The following RFX6 variants were observed in gnomAD, a reference collection of about 807,000 sequenced individuals.
RFX6 encodes the protein DNA-binding protein RFX6.
RFX6 carries 50 observed loss-of-function variants against 110.8 expected under a neutral mutation model. The observed-to-expected ratio is 0.45, with a 90% CI of 0.36 to 0.57. The LOEUF (loss-of-function observed/expected upper bound fraction) is 0.57. Ranked by LOEUF, RFX6 falls within the 20% of genes least tolerant of loss-of-function variation. The probability of loss-of-function intolerance (pLI) is 0.00; values close to 1 mark genes in which losing one functional copy is unlikely to be tolerated. For missense variants in RFX6, 990 were observed against 1,127.0 expected (o/e 0.88, Z 1.74); for synonymous variants, 383 against 411.2 (o/e 0.93, Z 0.83).
chr6:116,896,250 A>G (rs935487139), intron 6 of RFX6, among the ~76,000 whole-genome samples: 2 of 152,202 alleles, frequency 1.3e-5, no homozygotes, highest in African/African-American at 4.8e-5. Flanking sequence ...TCATGGAATA[A>G]AAGAAAAATA....
chr6:116,927,935 G>A (rs1775784876), intron 17 of RFX6, among the ~76,000 whole-genome samples: 1 of 151,588 alleles, frequency 6.6e-6, no homozygotes, highest in Non-Finnish European at 1.5e-5. Context: ...TAGAGACAAA[G>A]TCTCACTATG....
rs1775534469 is a variant in RFX6, at chr6:116,919,039, C to T, written c.1023-98C>T. 3.6e-6 allele frequency: 4 copies of T among 1,122,366 alleles called. No individual in the cohort carries two copies. In the South Asian group the frequency reaches 5.2e-5, roughly 14 times the overall value. The allele number at this position is 1,122,366 out of a possible 1,614,324, so 69.5% of individuals were successfully genotyped here. On this transcript the variant is annotated intron_variant, in intron 10 of 18. Transcript: ENST00000332958. ...AGGCTGTCTGACTTCAAAAGTACTG[C>T]TTATGAAACCATAGAATAATAGTAT...
intron 7 of RFX6, among the ~76,000 whole-genome samples, chr6:116,913,597 G>A (rs955646119): frequency 6.6e-6 from 1 of 152,124 alleles, no homozygotes; most frequent in African/African-American, 2.4e-5. Flanking sequence ...AGAATGCAAA[G>A]TACACTGGAA....
intron 3 of RFX6, among the ~76,000 whole-genome samples, chr6:116,881,893 C>T (rs141664636): frequency 7.6e-4 from 115 of 152,016 alleles, no homozygotes; most frequent in African/African-American, 2.6e-3. Context: ...TAATCAGATC[C>T]TAATTTTAGC....
At chr6:116,896,875 T>C (rs1284576119) in intron 6 of RFX6, among the ~76,000 whole-genome samples, 1 of 152,224 alleles carries the variant, frequency 6.6e-6, no homozygotes, top group Non-Finnish European at 1.5e-5. Flanking sequence ...TGTATTTGCT[T>C]TTTTAAGAGG....
In RFX6 at chr6:116,879,861, T is replaced by C. The variant is rs1774548715; in HGVS notation, c.381-683T>C. Among the ~76,000 whole-genome samples the C allele has an allele frequency of 2.0e-5, 3 of 152,102 alleles. No individual in the cohort carries two copies. The South Asian group carries it at 6.2e-4, about 32-fold the overall frequency. ...TGGAATTACTTCAAATTTTCAAAGG[T>C]TATATAGTTATTTTTATAATATAAA... On this transcript the variant is annotated intron_variant, in intron 2 of 18. Coordinates refer to ENST00000332958, the MANE Select transcript of RFX6 (RefSeq NM_173560.4).
rs893355188 is a variant in RFX6, at chr6:116,918,967, A to G, written c.1023-170A>G. On this transcript the variant is annotated intron_variant, in intron 10 of 18. Transcript: ENST00000332958. ...TATATACACCTCCTATGCACCCACAAACATTTTAAAAATATAGCATAAGAA... is the reference window on the plus strand; with the variant it reads ...TATATACACCTCCTATGCACCCACAGACATTTTAAAAATATAGCATAAGAA... Among the ~76,000 whole-genome samples, 5 of 152,138 alleles carry G rather than the reference A, an allele frequency of 3.3e-5. No individual in the cohort carries two copies. The South Asian group carries it at 8.3e-4, about 25-fold the overall frequency.
intron 18 of RFX6, among the ~76,000 whole-genome samples, 189 bp downstream of exon 18, chr6:116,929,160 TTCTGTATATCTCTATTA>T (rs1775826797): frequency 6.6e-6 from 1 of 152,200 alleles, no homozygotes; most frequent in Non-Finnish European, 1.5e-5. Context: ...TCATTTCTTA[TTCTGTATATCTCTATTA>T]TGCAACCTAC....
chr6:116,927,527 A>G lies in RFX6; in HGVS notation c.2386A>G (p.Asn796Asp), dbSNP rs202243659. 6.2e-7 allele frequency: 1 copy of G among 1,613,454 alleles called. No individual in the cohort carries two copies. Among genetic ancestry groups the G allele is most frequent in the African/African-American group, 1.3e-5 (1 of 75,038 alleles). ...ASCQGATLPP[N>D]SPNGYYGSNI... ...CTGCCAAGGAGCAACACTGCCTCCT[A>G]ATTCACCAAATGGTATTGATATTTA... Residue 796 changes from asparagine to aspartate, a missense_variant, in exon 17 of 19, where the codon AAT (asparagine) becomes GAT (aspartate). By Grantham distance (23) the Asn-to-Asp change is conservative (BLOSUM62 1). This residue lies in a region of RFX6 where 438 missense variants were observed against 441.9 expected (regional missense o/e 0.99). Coordinates refer to ENST00000332958, the MANE Select transcript of RFX6 (RefSeq NM_173560.4).
chr6:116,920,271 A>G, intron 11 of RFX6, 39 bp from the exon 12 acceptor site: 1 of 1,541,006 alleles, frequency 6.5e-7, no homozygotes, highest in East Asian at 2.2e-5. Context: ...TACATTAGAA[A>G]TGATATAGTG....
intron 18 of RFX6, among the ~76,000 whole-genome samples, chr6:116,930,587 A>G (rs969982175): frequency 1.3e-5 from 2 of 152,202 alleles, no homozygotes; most frequent in African/African-American, 4.8e-5. Context: ...TCGGTAGGAC[A>G]GCTGAGAAAG....
intron 2 of RFX6, among the ~76,000 whole-genome samples, chr6:116,878,784 G>C (rs770730688): frequency 7.3e-5 from 11 of 151,604 alleles, no homozygotes; most frequent in Admixed American, 2.0e-4. Context: ...ATGATCTAAG[G>C]AGCCTTAGAA....
At position 116,917,834 on chromosome 6, in the gene RFX6, T is replaced by A. The variant is rs545365077; in HGVS notation, c.973-203T>A. On this transcript the variant is annotated intron_variant, in intron 9 of 18. Coordinates refer to ENST00000332958, the MANE Select transcript of RFX6 (RefSeq NM_173560.4). The stretch of plus-strand genomic sequence containing the variant: ...ACATACTGAGCATGTACATATACAG[T>A]GCTATCTCTTGTTTTTATTGTCATA... Among the ~76,000 whole-genome samples the A allele has an allele frequency of 3.3e-5, 5 of 152,216 alleles. No homozygotes were observed. In the South Asian group the frequency reaches 1.0e-3, roughly 32 times the overall value.
intron 4 of RFX6, among the ~76,000 whole-genome samples, chr6:116,889,440 G>A (rs1220928265): frequency 2.0e-5 from 3 of 152,064 alleles, no homozygotes; most frequent in Non-Finnish European, 4.4e-5. Flanking sequence ...AAATGCCAAT[G>A]ATACAAGGAC....
At chr6:116,903,005 A>G (rs910838051) in intron 6 of RFX6, among the ~76,000 whole-genome samples, 5 of 152,046 alleles carry the variant, frequency 3.3e-5, no homozygotes, top group African/African-American at 1.2e-4. Context: ...AAGAGTACCG[A>G]AGTTATCAAT....
chr6:116,881,316 C>T (rs996769909), intron 3 of RFX6, among the ~76,000 whole-genome samples: 1 of 151,952 alleles, frequency 6.6e-6, no homozygotes, highest in Non-Finnish European at 1.5e-5. Context: ...TCATGTCATG[C>T]TGTGTTTGAG....
At chr6:116,930,441 C>A (rs1332892811) in intron 18 of RFX6, among the ~76,000 whole-genome samples, 4 of 152,102 alleles carry the variant, frequency 2.6e-5, no homozygotes, top group Non-Finnish European at 5.9e-5. Context: ...TAGTTCTTGC[C>A]TGTAAGAAGT....
intron 7 of RFX6, 24 bp downstream of exon 7, chr6:116,911,066 A>C (rs751033788): frequency 6.8e-7 from 1 of 1,468,714 alleles, no homozygotes; most frequent in Admixed American, 1.7e-5. Flanking sequence ...ATACTTCTCT[A>C]TTGATTTTCT....
At chr6:116,908,647 A>C (rs375343692) in intron 6 of RFX6, among the ~76,000 whole-genome samples, 4 of 149,582 alleles carry the variant, frequency 2.7e-5, no homozygotes, top group African/African-American at 9.9e-5. Flanking sequence ...TATAATGATT[A>C]AGTTTTCCTC....
Sources: allele counts gnomAD v4.1 joint callset (sites outside exome capture counted in the v4.1 genomes callset), GRCh38; gene constraint gnomAD v4.1.1; regional missense constraint gnomAD v4.1.1; transcripts MANE v1.5; gene names NCBI Gene and HGNC (gene_info 2026-07-23, HGNC 2026-07-21).